IARS2: variants seen among roughly 807,000 people sequenced by gnomAD.
The protein encoded by IARS2 is isoleucine--tRNA ligase, mitochondrial.
Under a neutral mutation model 126.3 loss-of-function variants are expected in IARS2, and 56 were observed. The observed-to-expected ratio is 0.44, with a 90% CI of 0.36 to 0.55. The LOEUF is 0.55. Among genes scored for constraint, IARS2 ranks in the 20% least tolerant of loss-of-function variants. The probability of loss-of-function intolerance (pLI) is 0.00; values close to 1 mark genes in which losing one functional copy is unlikely to be tolerated. For synonymous variants in IARS2, 407 were observed against 441.1 expected, an observed-to-expected ratio of 0.92 and a Z score of 0.97; for missense variants, 1,127 against 1,245.9, an observed-to-expected ratio of 0.90 and a Z score of 1.44.
chr1:220,106,148 G>A, intron 9 of IARS2, 88 bp downstream of exon 9: 1 of 1,154,946 alleles, frequency 8.7e-7, no homozygotes, highest in Admixed American at 2.4e-5. Flanking sequence ...TTTTAAAAAT[G>A]ATGACTTTTG....
At chr1:220,128,896 A>G (rs984135023) in intron 14 of IARS2, among the ~76,000 whole-genome samples, 1 of 148,908 alleles carries the variant, frequency 6.7e-6, no homozygotes. Flanking sequence ...TAATATTTCT[A>G]GAGTGTGATT....
At chr1:220,137,825 A>G in intron 16 of IARS2, 93 bp from the exon 17 acceptor site, 1 of 1,429,494 alleles carries the variant, frequency 7.0e-7, no homozygotes, top group South Asian at 1.2e-5. Context: ...ATTGTGCTCA[A>G]AAATATCTGA....
chr1:220,097,385 A>T (rs999184017), intron 2 of IARS2, among the ~76,000 whole-genome samples: 1 of 135,238 alleles, frequency 7.4e-6, no homozygotes, highest in Admixed American at 7.8e-5. Context: ...TTTTTTTGAG[A>T]CAGAGTCTTG....
At chr1:220,102,091 A>G in intron 3 of IARS2, 38 bp from the exon 4 acceptor site, 1 of 1,559,898 alleles carries the variant, frequency 6.4e-7, no homozygotes, top group Middle Eastern at 1.8e-4. Context: ...ATTCGAATTC[A>G]TTGGTTTTTT....
intron 1 of IARS2, among the ~76,000 whole-genome samples, chr1:220,095,843 T>A (rs971717363): frequency 2.6e-5 from 4 of 152,164 alleles, no homozygotes; most frequent in African/African-American, 9.7e-5. Flanking sequence ...CACTAAACCT[T>A]TGTAGGGTGC....
chr1:220,100,351 TAAGTTTA>T, intron 2 of IARS2, 132 bp from the exon 3 acceptor site: 1 of 679,178 alleles, frequency 1.5e-6, no homozygotes, highest in Non-Finnish European at 2.4e-6. Context: ...AAAATGGTAT[TAAGTTTA>T]AAAAAAAGAA....
intron 14 of IARS2, among the ~76,000 whole-genome samples, chr1:220,127,341 GT>G: frequency 6.6e-6 from 1 of 152,254 alleles, no homozygotes; most frequent in South Asian, 2.1e-4. Flanking sequence ...TCTCCTCTCT[GT>G]ACAAACAGCT....
At chr1:220,103,665 C>T in intron 8 of IARS2, 103 bp downstream of exon 8, 1 of 673,164 alleles carries the variant, frequency 1.5e-6, no homozygotes, top group Non-Finnish European at 2.7e-6. Context: ...ACAGATATGG[C>T]CTCTACCTTT....
intron 15 of IARS2, among the ~76,000 whole-genome samples, chr1:220,136,318 G>C (rs1485024130): frequency 6.6e-6 from 1 of 152,188 alleles, no homozygotes; most frequent in African/African-American, 2.4e-5. Context: ...TTTTAGTGGA[G>C]ACAGGGTTTC....
rs766264984 is a variant in IARS2 at position 220,110,821 on chromosome 1, A to T, written c.1363A>T (p.Lys455Ter). The change falls in exon 11 of 23, where the codon AAA (lysine) becomes TAA (stop). Residue 455 changes from lysine to a stop codon, truncating the protein, a stop_gained. Coordinates refer to ENST00000366922, the MANE Select transcript of IARS2 (RefSeq NM_018060.4). LOFTEE classifies it high-confidence loss of function. ...KMLQTAKNLL[K>*]EEKLVHSYPY... is the part of the protein sequence containing the mutation. ...GCTTCAGACTGCAAAGAATTTGTTG[A>T]AAGAGGAGAAATTGGTGCATAGCTA... The T allele has an allele frequency of 6.2e-7, 1 of 1,611,864 alleles. No homozygotes were observed. The highest frequency in any genetic ancestry group is 8.5e-7 in the Non-Finnish European group (1 of 1,178,584).
At chr1:220,117,362 T>TAC in intron 12 of IARS2, among the ~76,000 whole-genome samples, 1 of 151,430 alleles carries the variant, frequency 6.6e-6, no homozygotes, top group Non-Finnish European at 1.5e-5. Context: ...CGGCTAATTT[T>TAC]ATATATATAT....
In IARS2 at chr1:220,100,606, T is replaced by C; in HGVS notation, c.507T>C (p.Gly169=). Residue 169 remains glycine (G), a synonymous_variant, in exon 3 of 23, where the codon GGT becomes GGC. Transcript: ENST00000366922. ...PIEIKVLSEL[G]REAQNLSAME... is the part of the protein sequence containing the mutation. ...AAATAAAAGTATTATCAGAACTTGG[T>C]AGAGAAGCTCAGAATCTTTCAGCTA... 1 of 1,611,962 alleles carries C rather than the reference T, an allele frequency of 6.2e-7. No homozygotes were observed. The highest frequency in any genetic ancestry group is 2.2e-5 in the East Asian group (1 of 44,776).
At position 220,102,368 on chromosome 1, in the gene IARS2, G is replaced by A; in HGVS notation, c.705G>A (p.Leu235=). 2 of 1,613,676 alleles carry A rather than the reference G, an allele frequency of 1.2e-6. No homozygotes were observed. Among genetic ancestry groups the A allele is most frequent in the Non-Finnish European group, 1.7e-6 (2 of 1,179,916 alleles). ...RTFYQMYDKG[L]VYRSYKPVFW... ...CATATTTTTGTCTTTTATAGGGCTT[G>A]GTTTATCGATCTTACAAACCTGTGT... is the stretch of plus-strand genomic sequence containing the variant. Residue 235 remains leucine (L), a synonymous_variant, in exon 5 of 23, where the codon TTG becomes TTA. Transcript: ENST00000366922.
At chr1:220,127,993 C>T (rs73098518) in intron 14 of IARS2, among the ~76,000 whole-genome samples, 7,798 of 152,152 alleles carry the variant, frequency 0.051, 246 homozygotes, top group East Asian at 0.11. Context: ...TATAATGACA[C>T]TCCAGTCAGT....
chr1:220,126,689 G>C lies in IARS2; in HGVS notation c.1744-61G>C, dbSNP rs926071368. 6 of 1,195,090 alleles carry C rather than the reference G, an allele frequency of 5.0e-6. No homozygotes were observed. The African/African-American group carries it at 7.6e-5, about 15-fold the overall frequency. 74.0% of individuals were successfully genotyped at this position (1,195,090 alleles called of 1,614,324 possible). A position where few individuals can be genotyped will look rare whatever the true frequency, so the allele number is the denominator to read the frequency against. On this transcript the variant is annotated intron_variant, in intron 13 of 22. Transcript: ENST00000366922. Reference sequence around the variant, plus strand: ...ATTTTCTGAAGACTTTTGGGGTACAGTATTTGTTGTCTATATTGTGATCTT... The same window carrying C: ...ATTTTCTGAAGACTTTTGGGGTACACTATTTGTTGTCTATATTGTGATCTT...
intron 11 of IARS2, 80 bp downstream of exon 11, chr1:220,111,017 G>C: frequency 7.8e-7 from 1 of 1,285,420 alleles, no homozygotes; most frequent in South Asian, 1.4e-5. Context: ...GTTGAGGTGG[G>C]GTTTCAGGAG....
chr1:220,098,211 A>G (rs549004756), intron 2 of IARS2, among the ~76,000 whole-genome samples: 77 of 152,306 alleles, frequency 5.1e-4, no homozygotes, highest in African/African-American at 1.8e-3. Context: ...TTACAAAACT[A>G]TCTCTCACAT....
chr1:220,095,431 A>G (rs1450166898), intron 1 of IARS2, among the ~76,000 whole-genome samples: 1 of 152,248 alleles, frequency 6.6e-6, no homozygotes, highest in African/African-American at 2.4e-5. Flanking sequence ...TTGGTTAAGT[A>G]AATATACTTA....
chr1:220,111,003 T>G (rs1656789928), intron 11 of IARS2, 66 bp downstream of exon 11: 2 of 1,435,442 alleles, frequency 1.4e-6, no homozygotes, highest in Admixed American at 4.3e-5. Context: ...GGGCTGCATG[T>G]GAGGTTGAGG....
Sources: gnomAD v4.1 joint callset for allele counts (sites outside exome capture counted in the v4.1 genomes callset) on GRCh38, gnomAD v4.1.1 for gene constraint, MANE v1.5 for transcripts, NCBI Gene and HGNC (gene_info 2026-07-23, HGNC 2026-07-21) for gene names.